The following GNAI2 variants were observed in gnomAD, a reference collection of about 807,000 sequenced individuals.
The protein encoded by GNAI2 is guanine nucleotide-binding protein G(i) subunit alpha-2.
In GNAI2, 4 loss-of-function variants were observed where a neutral mutation model predicts 36.8. That is an observed-to-expected ratio of 0.11 (90% CI 0.05 to 0.25). The LOEUF (loss-of-function observed/expected upper bound fraction) is 0.25. Ranked by LOEUF, GNAI2 falls within the 10% of genes least tolerant of loss-of-function variation. GNAI2 has a pLI of 1.00. For missense variants in GNAI2, 230 were observed against 481.3 expected (o/e 0.48, Z 4.89); for synonymous variants, 194 against 194.1 (o/e 1.00, Z 0.01).
chr3:50,251,597 T>A lies in GNAI2; in HGVS notation c.119-503T>A, dbSNP rs782779996. ...TTGGGCCATGTCCAGAAAGCTGAAG[T>A]GTGACGCTGTGCTCCTGCTTAGGCC... On this transcript the variant is annotated intron_variant, in intron 1 of 8. Transcript: ENST00000313601. 2.4e-6 allele frequency: 3 copies of A among 1,241,744 alleles called. No homozygotes were observed. In the Admixed American group the frequency reaches 8.2e-5, roughly 34 times the overall value. The allele number at this position is 1,241,744 out of a possible 1,614,324, so 76.9% of individuals were successfully genotyped here.
At chr3:50,236,169 C>T (rs921230195), upstream of GNAI2, 2 of 1,167,828 alleles carry the variant, frequency 1.7e-6, no homozygotes, top group Admixed American at 4.7e-5. The surrounding 1 kb of genome is among the most constrained non-coding windows in gnomAD (Gnocchi z 4.0). Flanking sequence ...CCCGCCCCGC[C>T]GTCGGTGCGC....
intron 1 of GNAI2, among the ~76,000 whole-genome samples, chr3:50,243,043 G>C (rs1196390967): frequency 6.6e-6 from 1 of 152,250 alleles, no homozygotes; most frequent in Non-Finnish European, 1.5e-5. Flanking sequence ...AAGAGGAAGA[G>C]GCCAGAGGGC....
intron 1 of GNAI2, among the ~76,000 whole-genome samples, chr3:50,246,246 C>CTGG (rs1700421047): frequency 6.6e-6 from 1 of 152,316 alleles, no homozygotes; most frequent in African/African-American, 2.4e-5. Flanking sequence ...CAGGGACGGG[C>CTGG]TGGTGGGTGG....
At position 50,256,831 on chromosome 3, in the gene GNAI2, G is replaced by A; in HGVS notation, c.702G>A (p.Val234=). ...TAGCCTTGAGCGCCTATGACTTGGTGCTAGCTGAGGACGAGGAGATGGTGA... is the reference window on the plus strand; with the variant it reads ...TAGCCTTGAGCGCCTATGACTTGGTACTAGCTGAGGACGAGGAGATGGTGA... The part of the protein sequence containing the change: ...FCVALSAYDL[V]LAEDEEMNRM... The change falls in exon 6 of 9, where the codon GTG becomes GTA. Residue 234 remains valine, a synonymous_variant. Coordinates refer to ENST00000313601, the MANE Select transcript of GNAI2 (RefSeq NM_002070.4). 1 of 1,614,228 alleles carries A rather than the reference G, an allele frequency of 6.2e-7. No individual in the cohort carries two copies. Among genetic ancestry groups the A allele is most frequent in the Non-Finnish European group, 8.5e-7 (1 of 1,180,038 alleles).
chr3:50,233,330 G>A (rs1312306353), upstream of GNAI2, among the ~76,000 whole-genome samples: 1 of 152,146 alleles, frequency 6.6e-6, no homozygotes, highest in Admixed American at 6.5e-5. Flanking sequence ...TCTGTGTTGC[G>A]CCCACCTACT....
In GNAI2 at chr3:50,256,204, C is replaced by A; in HGVS notation, c.477C>A (p.Asp159Glu). ...LNDSAAYYLN[D>E]LERIAQSDYI... ...CCCCCATCCCCAGCTACCTGAACGA[C>A]CTGGAGCGTATTGCACAGAGTGACT... is the stretch of plus-strand genomic sequence containing the variant. The change falls in exon 5 of 9, where the codon GAC (aspartate) becomes GAA (glutamate). Residue 159 changes from aspartate to glutamate, a missense_variant. Physicochemically the swap from Asp to Glu is conservative, Grantham distance 45. Transcript: ENST00000313601. The A allele has an allele frequency of 6.7e-7, 1 of 1,499,516 alleles. No homozygotes were observed. Among genetic ancestry groups the A allele is most frequent in the Non-Finnish European group, 9.2e-7 (1 of 1,084,248 alleles). The allele number at this position is 1,499,516 out of a possible 1,614,324, so 92.9% of individuals were successfully genotyped here.
upstream of GNAI2, chr3:50,230,274 G>C (rs1474550846): frequency 1.3e-5 from 2 of 152,372 alleles, no homozygotes; most frequent in African/African-American, 4.8e-5. Context: ...GTTGAACCAG[G>C]AAGTAGAACC....
intron 4 of GNAI2, among the ~76,000 whole-genome samples, chr3:50,254,556 A>G (rs1700643634): frequency 6.6e-6 from 1 of 152,106 alleles, no homozygotes; most frequent in Admixed American, 6.5e-5. Flanking sequence ...TGTACCCCCT[A>G]CAGGAGCTGT....
chr3:50,256,927 C>G lies in GNAI2; in HGVS notation c.724-10C>G, dbSNP rs782024192. ...GGTGGCTAGCGTTGACCTTGCTATT[C>G]TACCCCCAGAACCGCATGCATGAGA... On this transcript the variant is annotated splice_polypyrimidine_tract_variant and intron_variant, in intron 6 of 8. Coordinates refer to ENST00000313601, the MANE Select transcript of GNAI2 (RefSeq NM_002070.4). 2.5e-6 allele frequency: 4 copies of G among 1,613,924 alleles called. No homozygotes were observed. Among genetic ancestry groups the G allele is most frequent in the Non-Finnish European group, 3.4e-6 (4 of 1,179,940 alleles).
intron 1 of GNAI2, among the ~76,000 whole-genome samples, chr3:50,250,761 C>T (rs1700536282): frequency 6.6e-6 from 1 of 151,806 alleles, no homozygotes. Flanking sequence ...TCCTGGGCTG[C>T]ACTCCTCAAG....
At chr3:50,243,411 A>G (rs139348851) in intron 1 of GNAI2, among the ~76,000 whole-genome samples, 1,549 of 152,388 alleles carry the variant, frequency 0.01, 22 homozygotes, top group Middle Eastern at 0.027. Context: ...GGCCAGCCAC[A>G]GGCTGAGATG....
At chr3:50,239,379 A>G (rs1329719935) in intron 1 of GNAI2, among the ~76,000 whole-genome samples, 4 of 152,146 alleles carry the variant, frequency 2.6e-5, no homozygotes, top group Admixed American at 6.5e-5. Context: ...CTTCCTGGAC[A>G]TCCTCCCTCG....
chr3:50,251,622 C>A, intron 1 of GNAI2: 1 of 1,293,206 alleles, frequency 7.7e-7, no homozygotes, highest in South Asian at 1.2e-5. Flanking sequence ...CTGCTTAGGC[C>A]CCTGGTTGCT....
In GNAI2 at chr3:50,258,805, G is replaced by C. The variant is rs782237064; in HGVS notation, c.*462G>C. The stretch of plus-strand genomic sequence containing the variant: ...ACCCCAGCCGCTCGGAGGCCCCAAA[G>C]GAAAAAGCACAAGAAGCGTGAGACG... On this transcript the variant is annotated 3_prime_UTR_variant, in exon 9 of 9. Transcript: ENST00000313601. 1 of 408,754 alleles carries C rather than the reference G, an allele frequency of 2.4e-6. No individual in the cohort carries two copies. The highest frequency in any genetic ancestry group is 2.1e-5 in the African/African-American group (1 of 46,890). The allele number at this position is 408,754 out of a possible 1,614,324, so 25.3% of individuals were successfully genotyped here. A position where few individuals can be genotyped will look rare whatever the true frequency, so the allele number is the denominator to read the frequency against.
intron 1 of GNAI2, among the ~76,000 whole-genome samples, chr3:50,251,077 C>A (rs1015988667): frequency 6.6e-6 from 1 of 152,188 alleles, no homozygotes; most frequent in Non-Finnish European, 1.5e-5. Flanking sequence ...TCCCAAAGTG[C>A]TGGGATTACA....
chr3:50,237,870 C>A (rs1466732444), intron 1 of GNAI2, among the ~76,000 whole-genome samples: 1 of 152,232 alleles, frequency 6.6e-6, no homozygotes, highest in Non-Finnish European at 1.5e-5. Context: ...TCATAGGGCT[C>A]CCAGGCTGTG....
At position 50,257,640 on chromosome 3, in the gene GNAI2, G is replaced by A. The variant is rs781914264; in HGVS notation, c.1018G>A (p.Val340Ile). 20 of 1,604,338 alleles carry A rather than the reference G, an allele frequency of 1.2e-5. No homozygotes were observed. The highest frequency in any genetic ancestry group is 2.2e-5 in the East Asian group (1 of 44,542). The change falls in exon 8 of 9, where the codon GTC (valine) becomes ATC (isoleucine). Residue 340 changes from valine (V) to isoleucine (I), a missense_variant. Around this residue, in one of 4 missense-constraint regions of GNAI2, gnomAD observed 17 missense variants for 48.5 expected, o/e 0.35. Coordinates refer to ENST00000313601, the MANE Select transcript of GNAI2 (RefSeq NM_002070.4). Reference protein sequence around the residue: ...TKNVQFVFDAVTDVIIKNNLK... With the variant: ...TKNVQFVFDAITDVIIKNNLK... ...GAACGTGCAGTTCGTGTTTGACGCCGTCACCGATGTCATCATCAAGAACAA... is the reference window on the plus strand; with the variant it reads ...GAACGTGCAGTTCGTGTTTGACGCCATCACCGATGTCATCATCAAGAACAA...
chr3:50,233,672 C>T (rs1553700002), upstream of GNAI2, among the ~76,000 whole-genome samples: 1 of 152,134 alleles, frequency 6.6e-6, no homozygotes, highest in Non-Finnish European at 1.5e-5. Flanking sequence ...CAACATGTTG[C>T]ATGCCCATGG....
chr3:50,228,380 C>T (rs193150527), upstream of GNAI2, among the ~76,000 whole-genome samples: 2 of 152,198 alleles, frequency 1.3e-5, no homozygotes, highest in Admixed American at 1.3e-4. Flanking sequence ...GGCAAAACCC[C>T]GTCTCTACCA....
Sources: allele counts gnomAD v4.1 joint callset (sites outside exome capture counted in the v4.1 genomes callset), GRCh38; gene constraint gnomAD v4.1.1; regional missense constraint gnomAD v4.1.1; non-coding constraint Gnocchi (gnomAD v3.1); transcripts MANE v1.5; gene names NCBI Gene and HGNC (gene_info 2026-07-23, HGNC 2026-07-21).